The following SRGAP3 variants were observed in gnomAD, a reference collection of about 807,000 sequenced individuals.
SRGAP3 encodes the protein SLIT-ROBO Rho GTPase-activating protein 3.
In SRGAP3, 39 loss-of-function variants were observed where a neutral mutation model predicts 121.1. The ratio of observed to expected loss-of-function variants is 0.32; its 90% CI spans 0.25 to 0.42. SRGAP3 has a LOEUF of 0.42. Ranked by LOEUF, SRGAP3 falls within the 10% of genes least tolerant of loss-of-function variation. SRGAP3 has a pLI of 1.00. For missense variants in SRGAP3, 1,213 were observed against 1,470.6 expected, an observed-to-expected ratio of 0.82 and a Z score of 2.86; for synonymous variants, 601 against 570.0, an observed-to-expected ratio of 1.05 and a Z score of -0.77.
chr3:9,086,992 G>A (rs966664343), intron 3 of SRGAP3, among the ~76,000 whole-genome samples: 2 of 150,582 alleles, frequency 1.3e-5, no homozygotes, highest in African/African-American at 2.4e-5. Context: ...GGCAGGAGGC[G>A]GAAAGGGCCA....
chr3:9,013,707 C>A (rs1943485380), intron 16 of SRGAP3, 30 bp downstream of exon 16: 1 of 1,612,418 alleles, frequency 6.2e-7, no homozygotes, highest in Admixed American at 1.7e-5. Flanking sequence ...AGGCCTGAGT[C>A]AAAAAGGGGC....
chr3:9,135,861 CCTGGT>C (rs1949625473), intron 1 of SRGAP3, among the ~76,000 whole-genome samples: 1 of 152,196 alleles, frequency 6.6e-6, no homozygotes. Flanking sequence ...GTGGCTTCAG[CCTGGT>C]CTCTGTTTTC....
intron 1 of SRGAP3, among the ~76,000 whole-genome samples, chr3:9,177,701 T>C (rs1354316437): frequency 2.0e-5 from 3 of 152,162 alleles, no homozygotes; most frequent in Non-Finnish European, 2.9e-5. Context: ...ATTTACTCTC[T>C]CTTTTCTGGC....
intron 1 of SRGAP3, among the ~76,000 whole-genome samples, chr3:9,152,901 A>G (rs1950261374): frequency 6.6e-6 from 1 of 152,222 alleles, no homozygotes; most frequent in Admixed American, 6.5e-5. Flanking sequence ...CAAGTCCCAC[A>G]GTGCCCCGTG....
At chr3:9,011,231 T>C (rs1943358053) in intron 17 of SRGAP3, among the ~76,000 whole-genome samples, 1 of 152,112 alleles carries the variant, frequency 6.6e-6, no homozygotes, top group South Asian at 2.1e-4. Context: ...TGTTATGTAG[T>C]GTTATGCAGG....
chr3:8,983,244 T>C lies in SRGAP3; in HGVS notation c.*2275A>G, dbSNP rs147248716. 1,537 of 227,324 alleles carry C rather than the reference T, an allele frequency of 6.8e-3. 17 individuals are homozygous for C. Among genetic ancestry groups the C allele is most frequent in the African/African-American group, 0.031 (1,405 of 45,074 alleles). 14.1% of individuals were successfully genotyped at this position (227,324 alleles called of 1,614,324 possible). A position where few individuals can be genotyped will look rare whatever the true frequency, so the allele number is the denominator to read the frequency against. ...CAGCACAGCCCAAGGCCTTACTCTC[T>C]TAAGCTGTAAAATGGCAATATCTTT... On this transcript the variant is annotated 3_prime_UTR_variant, in exon 22 of 22. Transcript: ENST00000383836.
chr3:9,107,305 C>T (rs1575083585), intron 2 of SRGAP3, among the ~76,000 whole-genome samples: 1 of 152,216 alleles, frequency 6.6e-6, no homozygotes, highest in East Asian at 1.9e-4. Context: ...TGAGTGGCTG[C>T]ATCAGAAAAA....
At chr3:9,137,680 G>A (rs1407714733) in intron 1 of SRGAP3, among the ~76,000 whole-genome samples, 1 of 152,148 alleles carries the variant, frequency 6.6e-6, no homozygotes, top group Non-Finnish European at 1.5e-5. Flanking sequence ...GCAGCCCCCT[G>A]ACCACCCCTA....
intron 3 of SRGAP3, among the ~76,000 whole-genome samples, chr3:9,295,986 G>A (rs1376512950): frequency 3.3e-5 from 5 of 152,102 alleles, no homozygotes; most frequent in African/African-American, 7.2e-5. Flanking sequence ...TCCTTTTGAG[G>A]CTGAATAATA....
intron 2 of SRGAP3, among the ~76,000 whole-genome samples, chr3:9,116,810 T>C (rs1306869322): frequency 2.0e-5 from 3 of 152,250 alleles, no homozygotes; most frequent in Non-Finnish European, 4.4e-5. Flanking sequence ...TCACCTGTGC[T>C]AGCTATGTCC....
chr3:9,129,693 C>A (rs1003625190), intron 1 of SRGAP3, among the ~76,000 whole-genome samples: 8 of 152,028 alleles, frequency 5.3e-5, no homozygotes, highest in Non-Finnish European at 8.8e-5. Flanking sequence ...GAAATTTAAG[C>A]TCTGAGGGCA....
intron 1 of SRGAP3, among the ~76,000 whole-genome samples, chr3:9,197,468 TC>T (rs1951950264): frequency 6.6e-6 from 1 of 152,252 alleles, no homozygotes; most frequent in South Asian, 2.1e-4. Context: ...AGATAATAGT[TC>T]CTGTTTATTT....
intron 1 of SRGAP3, among the ~76,000 whole-genome samples, chr3:9,360,750 C>T (rs1307272797): frequency 1.3e-5 from 2 of 152,158 alleles, no homozygotes; most frequent in Non-Finnish European, 2.9e-5. Flanking sequence ...GAACAGTATG[C>T]AGGGAATCAC....
intron 1 of SRGAP3, among the ~76,000 whole-genome samples, chr3:9,188,332 A>T (rs1052050170): frequency 2.0e-5 from 3 of 152,242 alleles, no homozygotes; most frequent in Admixed American, 1.3e-4. Flanking sequence ...GCAGGTAATT[A>T]GTGTGTCCAT....
intron 12 of SRGAP3, 77 bp downstream of exon 12, chr3:9,032,573 C>T: frequency 5.2e-6 from 7 of 1,358,918 alleles, no homozygotes; most frequent in Non-Finnish European, 7.3e-6. Flanking sequence ...GGGCTGTCTG[C>T]TGGCAGGGAG....
intron 3 of SRGAP3, among the ~76,000 whole-genome samples, chr3:9,255,646 AGTCAGT>A (rs2125253452): frequency 6.6e-6 from 1 of 152,150 alleles, no homozygotes; most frequent in South Asian, 2.1e-4. Flanking sequence ...TTTGGGATGG[AGTCAGT>A]CCCGAACAAT....
intron 3 of SRGAP3, among the ~76,000 whole-genome samples, chr3:9,313,658 C>T (rs1416651692): frequency 2.0e-5 from 3 of 150,390 alleles, no homozygotes; most frequent in Non-Finnish European, 4.4e-5. Flanking sequence ...GCCTGGGTGA[C>T]AGAGCAAGAC....
At chr3:9,336,131 C>G (rs1193604087) in intron 1 of SRGAP3, among the ~76,000 whole-genome samples, 1 of 152,004 alleles carries the variant, frequency 6.6e-6, no homozygotes, top group African/African-American at 2.4e-5. Context: ...TTGGTCATCC[C>G]CACAAAGCAC....
At chr3:9,157,826 C>G (rs1309157967) in intron 1 of SRGAP3, among the ~76,000 whole-genome samples, 1 of 152,220 alleles carries the variant, frequency 6.6e-6, no homozygotes, top group African/African-American at 2.4e-5. Context: ...AAAATACAAA[C>G]TGCTACAGTC....
Sources: gnomAD v4.1 joint callset for allele counts (sites outside exome capture counted in the v4.1 genomes callset) on GRCh38, gnomAD v4.1.1 for gene constraint, MANE v1.5 for transcripts, NCBI Gene and HGNC (gene_info 2026-07-23, HGNC 2026-07-21) for gene names.